The following RNF19B variants were observed in gnomAD, a reference collection of about 807,000 sequenced individuals.
The protein encoded by RNF19B is ring finger protein 19B.
Under a neutral mutation model 65.5 loss-of-function variants are expected in RNF19B, and 23 were observed. That is an observed-to-expected ratio of 0.35 (90% CI 0.25 to 0.50). The LOEUF is 0.50. RNF19B is among the 20% of genes least tolerant of loss of function. The probability of loss-of-function intolerance (pLI) is 0.98; values close to 1 mark genes in which losing one functional copy is unlikely to be tolerated. For synonymous variants in RNF19B, 372 were observed against 379.6 expected (o/e 0.98, Z 0.23); for missense variants, 794 against 980.0 (o/e 0.81, Z 2.53).
At chr1:32,951,656 C>A (rs1642502182) in intron 1 of RNF19B, among the ~76,000 whole-genome samples, 1 of 152,190 alleles carries the variant, frequency 6.6e-6, no homozygotes, top group Non-Finnish European at 1.5e-5. Context: ...CTTGAAAGCT[C>A]ATCTTATCTT....
chr1:32,939,862 T>A (rs1244749535), intron 7 of RNF19B, among the ~76,000 whole-genome samples: 1 of 152,192 alleles, frequency 6.6e-6, no homozygotes, highest in African/African-American at 2.4e-5. Flanking sequence ...CAAGTCAGTC[T>A]CCAATTATGT....
downstream of RNF19B, among the ~76,000 whole-genome samples, chr1:32,933,445 G>A (rs896263054): frequency 2.0e-5 from 3 of 151,814 alleles, no homozygotes; most frequent in South Asian, 2.1e-4. Context: ...TAGTAGAGAC[G>A]GGGTTTCACC....
intron 1 of RNF19B, among the ~76,000 whole-genome samples, chr1:32,959,220 C>T (rs1392164834): frequency 6.6e-6 from 1 of 152,174 alleles, no homozygotes; most frequent in African/African-American, 2.4e-5. Context: ...CTGCAGAGGA[C>T]AGAGGCAGCA....
In RNF19B at chr1:32,948,108, T is replaced by G. The variant is rs999274133; in HGVS notation, c.983+114A>C. On this transcript the variant is annotated intron_variant, in intron 3 of 8. Transcript: ENST00000235150. ...TAGAGGAGCATGTCAGAAGAAGTTT[T>G]CACAGCTTCCTTAAACCTGTAATGA... 3.5e-6 allele frequency: 4 copies of G among 1,137,316 alleles called. No homozygotes were observed. The Admixed American group carries it at 6.7e-5, about 19-fold the overall frequency. 70.5% of individuals were successfully genotyped at this position (1,137,316 alleles called of 1,614,324 possible).
chr1:32,933,488 C>T (rs1000806411), downstream of RNF19B, among the ~76,000 whole-genome samples: 2 of 152,138 alleles, frequency 1.3e-5, no homozygotes, highest in Non-Finnish European at 2.9e-5. Flanking sequence ...ATCTCCCGAC[C>T]TTGTGAGCCG....
At chr1:32,954,391 T>A (rs1331038887) in intron 1 of RNF19B, among the ~76,000 whole-genome samples, 1 of 151,888 alleles carries the variant, frequency 6.6e-6, no homozygotes, top group Non-Finnish European at 1.5e-5. Context: ...TGTTTTTGGG[T>A]ACCTGGTCTG....
chr1:32,943,881 C>G, intron 6 of RNF19B, 138 bp downstream of exon 6: 1 of 853,418 alleles, frequency 1.2e-6, no homozygotes. Flanking sequence ...AAATGAAAAG[C>G]TAAAAATACT....
At chr1:32,955,096 A>T (rs543498734) in intron 1 of RNF19B, among the ~76,000 whole-genome samples, 1 of 152,068 alleles carries the variant, frequency 6.6e-6, no homozygotes, top group Non-Finnish European at 1.5e-5. Flanking sequence ...AATGTAACTA[A>T]CTGTTTATAT....
chr1:32,932,688 C>G (rs1169082281), downstream of RNF19B, among the ~76,000 whole-genome samples: 1 of 152,198 alleles, frequency 6.6e-6, no homozygotes, highest in African/African-American at 2.4e-5. Context: ...CTGCATCTGT[C>G]TGGCGCTGAA....
At chr1:32,943,435 C>T (rs1642286626) in intron 6 of RNF19B, among the ~76,000 whole-genome samples, 1 of 151,472 alleles carries the variant, frequency 6.6e-6, no homozygotes, top group African/African-American at 2.4e-5. Context: ...CACGGTGAAA[C>T]ACCAAACCCC....
intron 5 of RNF19B, among the ~76,000 whole-genome samples, 155 bp downstream of exon 5, chr1:32,945,359 A>C (rs1642342335): frequency 6.6e-6 from 1 of 152,200 alleles, no homozygotes; most frequent in Admixed American, 6.5e-5. Context: ...TGCTTGAAAA[A>C]CTTAAAAATA....
At position 32,964,762 on chromosome 1, in the gene RNF19B, GGCCGCCGCCGAC is replaced by G; in HGVS notation, c.-89_-78del. 7.9e-7 allele frequency: 1 copy of G among 1,259,298 alleles called. No individual in the cohort carries two copies. The highest frequency in any genetic ancestry group is 1.0e-6 in the Non-Finnish European group (1 of 993,270). The allele number at this position is 1,259,298 out of a possible 1,614,324, so 78.0% of individuals were successfully genotyped here. A position where few individuals can be genotyped will look rare whatever the true frequency, so the allele number is the denominator to read the frequency against. ...CCTCAGCGCCCCTCAGCCAGCGCCC[GGCCGCCGCCGAC>G]GCCGCCACCACCGCCTCAACCGCCC... On this transcript the variant is annotated 5_prime_UTR_variant, in exon 1 of 9. Coordinates refer to ENST00000235150, the MANE Select transcript of RNF19B (RefSeq NM_001300826.2). This position sits in a 1 kb window ranked among gnomAD's most constrained non-coding sequence, Gnocchi z 6.5.
At position 32,942,334 on chromosome 1, in the gene RNF19B, TG is replaced by T; in HGVS notation, c.1527del (p.Tyr509Ter). ...TDGLSVMQGP[Y>X]SETASFAALS... The stretch of plus-strand genomic sequence containing the variant: ...AGGGCTGCAAAGCTGGCCGTTTCGC[TG>T]TAAGGACCTTGCATAACACTAAGTC... On this transcript the variant is annotated frameshift_variant, in exon 7 of 9. Transcript: ENST00000235150. LOFTEE classifies it high-confidence loss of function. 1 of 1,614,216 alleles carries T rather than the reference TG, an allele frequency of 6.2e-7. No individual in the cohort carries two copies. The highest frequency in any genetic ancestry group is 8.5e-7 in the Non-Finnish European group (1 of 1,180,026).
At chr1:32,939,523 GGA>G (rs1177463512) in intron 7 of RNF19B, among the ~76,000 whole-genome samples, 3 of 152,160 alleles carry the variant, frequency 2.0e-5, no homozygotes, top group Admixed American at 6.5e-5. Context: ...CTCCACAAAA[GGA>G]GAGACCACAA....
At chr1:32,944,369 T>G (rs1452622965) in intron 5 of RNF19B, among the ~76,000 whole-genome samples, 2 of 152,254 alleles carry the variant, frequency 1.3e-5, no homozygotes, top group Admixed American at 6.5e-5. Context: ...TTACTAGCTG[T>G]ATAACCTTGG....
Position 32,938,381 on chromosome 1 carries a change from C to CT in RNF19B, c.1742+15dup. 6.2e-7 allele frequency: 1 copy of CT among 1,614,050 alleles called. No individual in the cohort carries two copies. The highest frequency in any genetic ancestry group is 1.3e-5 in the African/African-American group (1 of 75,032). ...AAAAAATGCAACCTCTCCTGGACAT[C>CT]TGACTGTTCACATACCTGTCCTGTG... is the stretch of plus-strand genomic sequence containing the variant. On this transcript the variant is annotated intron_variant, in intron 8 of 8. Coordinates refer to ENST00000235150, the MANE Select transcript of RNF19B (RefSeq NM_001300826.2).
At chr1:32,948,134 G>C in intron 3 of RNF19B, 88 bp downstream of exon 3, 1 of 1,408,186 alleles carries the variant, frequency 7.1e-7, no homozygotes, top group Non-Finnish European at 9.8e-7. Flanking sequence ...CCTGTAATGA[G>C]AGAACGGATG....
At chr1:32,943,573 G>A (rs929500346) in intron 6 of RNF19B, among the ~76,000 whole-genome samples, 3 of 150,848 alleles carry the variant, frequency 2.0e-5, no homozygotes, top group Non-Finnish European at 2.9e-5. Flanking sequence ...CCGAGATCGC[G>A]ACATCGTACT....
At chr1:32,952,625 C>G (rs1642534347) in intron 1 of RNF19B, among the ~76,000 whole-genome samples, 1 of 150,480 alleles carries the variant, frequency 6.6e-6, no homozygotes, top group Non-Finnish European at 1.5e-5. Flanking sequence ...GCCTGTAATC[C>G]CAGCTACTCA....
Sources: allele counts gnomAD v4.1 joint callset (sites outside exome capture counted in the v4.1 genomes callset), GRCh38; gene constraint gnomAD v4.1.1; non-coding constraint Gnocchi (gnomAD v3.1); transcripts MANE v1.5; gene names NCBI Gene and HGNC (gene_info 2026-07-23, HGNC 2026-07-21).